Variants in NEO1 observed in about 807,000 individuals in gnomAD.
NEO1 encodes the protein neogenin.
NEO1 carries 63 observed loss-of-function variants against 159.7 expected under a neutral mutation model. The observed-to-expected ratio is 0.39, with a 90% confidence interval of 0.32 to 0.49. NEO1 has a LOEUF of 0.49. Among genes scored for constraint, NEO1 ranks in the 20% least tolerant of loss-of-function variants. The pLI is 0.85. For synonymous variants in NEO1, 633 were observed against 662.0 expected (o/e 0.96, Z 0.67); for missense variants, 1,615 against 1,831.0 (o/e 0.88, Z 2.15).
intron 5 of NEO1, among the ~76,000 whole-genome samples, chr15:73,155,750 G>A (rs1247207989): frequency 2.0e-5 from 3 of 152,146 alleles, no homozygotes; most frequent in Non-Finnish European, 4.4e-5. Flanking sequence ...GTCTATTGTT[G>A]AAGCTTTCAA....
rs1409837938 is a variant in NEO1 at position 73,254,721 on chromosome 15, C to G, written c.1984C>G (p.Gln662Glu). ...IHWQPPAPATQNGQITGYKIR... is the reference protein window; with the variant it reads ...IHWQPPAPATENGQITGYKIR... ...CTGGCAGCCACCTGCTCCAGCCACACAAAATGGGCAGATTACTGGCTACAA... is the reference window on the plus strand; with the variant it reads ...CTGGCAGCCACCTGCTCCAGCCACAGAAAATGGGCAGATTACTGGCTACAA... The change falls in exon 13 of 29, where the codon CAA (glutamine) becomes GAA (glutamate). Residue 662 changes from glutamine (Q) to glutamate (E), a missense_variant. Physicochemically the swap from Gln to Glu is conservative, Grantham distance 29. Coordinates refer to ENST00000261908, the MANE Select transcript of NEO1 (RefSeq NM_002499.4). 6.2e-7 allele frequency: 1 copy of G among 1,613,962 alleles called. No homozygotes were observed. The highest frequency in any genetic ancestry group is 8.5e-7 in the Non-Finnish European group (1 of 1,179,926).
chr15:73,157,993 A>G (rs1420306999), intron 5 of NEO1, among the ~76,000 whole-genome samples: 1 of 152,066 alleles, frequency 6.6e-6, no homozygotes. Context: ...AGACAAGAGG[A>G]TCGCTTGAGG....
intron 23 of NEO1, among the ~76,000 whole-genome samples, chr15:73,288,078 A>G (rs561515297): frequency 7.0e-4 from 106 of 152,312 alleles, no homozygotes; most frequent in Non-Finnish European, 1.4e-3. Context: ...ATTCAAACAT[A>G]AAGACCCTGG....
At chr15:73,245,513 C>T (rs909672911) in intron 9 of NEO1, among the ~76,000 whole-genome samples, 1 of 151,992 alleles carries the variant, frequency 6.6e-6, no homozygotes, top group Non-Finnish European at 1.5e-5. Flanking sequence ...GCTTTTCCTA[C>T]TTGAGGCTTT....
intron 7 of NEO1, among the ~76,000 whole-genome samples, chr15:73,231,254 G>C (rs1460493792): frequency 6.6e-6 from 1 of 152,132 alleles, no homozygotes; most frequent in East Asian, 1.9e-4. Flanking sequence ...TGCAGATACA[G>C]ATTTTTTTCA....
At chr15:73,062,728 G>A (rs1262718548) in intron 1 of NEO1, among the ~76,000 whole-genome samples, 1 of 152,134 alleles carries the variant, frequency 6.6e-6, no homozygotes, top group Non-Finnish European at 1.5e-5. Flanking sequence ...GTACTGTGGT[G>A]ATTTAAAGTG....
intron 7 of NEO1, among the ~76,000 whole-genome samples, chr15:73,179,744 C>T (rs965054379): frequency 3.3e-5 from 5 of 152,166 alleles, no homozygotes; most frequent in Non-Finnish European, 7.3e-5. Flanking sequence ...TCAAATCCTA[C>T]CACCTGGGTA....
chr15:73,158,782 C>T (rs2033963353), intron 5 of NEO1, among the ~76,000 whole-genome samples: 1 of 152,156 alleles, frequency 6.6e-6, no homozygotes, highest in East Asian at 1.9e-4. Flanking sequence ...TATGTCCCAG[C>T]CCTCCTCCAC....
At chr15:73,207,809 T>G (rs1014809771) in intron 7 of NEO1, among the ~76,000 whole-genome samples, 3 of 152,180 alleles carry the variant, frequency 2.0e-5, no homozygotes, top group Non-Finnish European at 4.4e-5. Context: ...GCATCCTTAT[T>G]GGCTCATTAT....
chr15:73,186,462 A>G (rs1277512590), intron 7 of NEO1, among the ~76,000 whole-genome samples: 2 of 152,212 alleles, frequency 1.3e-5, no homozygotes, highest in African/African-American at 4.8e-5. Flanking sequence ...GCTACAAGAA[A>G]TGTGAAAGGA....
chr15:73,186,119 CACATT>C (rs1048145671), intron 7 of NEO1, among the ~76,000 whole-genome samples: 3 of 149,950 alleles, frequency 2.0e-5, no homozygotes, highest in Admixed American at 2.0e-4. Context: ...AGAAGAAAGA[CACATT>C]ACATACAGAG....
chr15:73,129,017 G>A (rs1385150425), intron 4 of NEO1, among the ~76,000 whole-genome samples: 2 of 152,218 alleles, frequency 1.3e-5, no homozygotes, highest in African/African-American at 4.8e-5. Flanking sequence ...TGGCTGAAAA[G>A]TCTGAGAAGC....
At chr15:73,243,911 G>A (rs1596461627) in intron 8 of NEO1, among the ~76,000 whole-genome samples, 1 of 152,130 alleles carries the variant, frequency 6.6e-6, no homozygotes, top group Admixed American at 6.5e-5. Context: ...TTTTTATTGA[G>A]AGTCTCTTAG....
intron 19 of NEO1, among the ~76,000 whole-genome samples, chr15:73,272,784 C>T (rs2041231728): frequency 6.6e-6 from 1 of 151,922 alleles, no homozygotes; most frequent in South Asian, 2.1e-4. Context: ...TGACTGCAGT[C>T]GGGGATGGGA....
chr15:73,198,702 A>G (rs530411016), intron 7 of NEO1, among the ~76,000 whole-genome samples: 16 of 152,048 alleles, frequency 1.1e-4, no homozygotes, highest in Non-Finnish European at 2.2e-4. Context: ...TTTGCTTTTC[A>G]TGCCATCTGC....
At chr15:73,230,329 T>A (rs766118677) in intron 7 of NEO1, among the ~76,000 whole-genome samples, 4 of 152,098 alleles carry the variant, frequency 2.6e-5, no homozygotes, top group Non-Finnish European at 5.9e-5. Flanking sequence ...GGTTGGCAAT[T>A]TTTTTTCCCA....
chr15:73,267,874 G>A (rs972886452), intron 16 of NEO1, among the ~76,000 whole-genome samples: 2 of 152,132 alleles, frequency 1.3e-5, no homozygotes, highest in Non-Finnish European at 1.5e-5. Context: ...ATTTATTTTC[G>A]GAAATGTTCT....
At position 73,135,961 on chromosome 15, in the gene NEO1, A is replaced by T. The variant is rs551179669; in HGVS notation, c.949A>T (p.Thr317Ser). 6.2e-7 allele frequency: 1 copy of T among 1,608,182 alleles called. No individual in the cohort carries two copies. Among genetic ancestry groups the T allele is most frequent in the South Asian group, 1.1e-5 (1 of 90,600 alleles). ...TGATGTTACTGAGGATGATGCTGGG[A>T]CTTATTTTTGTATAGCTGATAATGG... is the stretch of plus-strand genomic sequence containing the variant. ...ISDVTEDDAG[T>S]YFCIADNGNE... Residue 317 changes from threonine to serine, a missense_variant, in exon 5 of 29, where the codon ACT becomes TCT. This residue lies in a region of NEO1 where 1,018 missense variants were observed against 1,115.4 expected (regional missense o/e 0.91). Coordinates refer to ENST00000261908, the MANE Select transcript of NEO1 (RefSeq NM_002499.4).
At position 73,146,836 on chromosome 15, in the gene NEO1, G is replaced by A. The variant is rs143902177; in HGVS notation, c.1015+10809G>A. Among the ~76,000 whole-genome samples the A allele has an allele frequency of 6.8e-3, 1,041 of 152,292 alleles. 12 individuals carry two copies. The highest frequency in any genetic ancestry group is 0.024 in the African/African-American group (1,000 of 41,542). ...TAGAAGAGCCGTTCAAAGACCTGAA[G>A]ATTCTGCCTGTTTGCTGTTTGTACA... On this transcript the variant is annotated intron_variant, in intron 5 of 28. Coordinates refer to ENST00000261908, the MANE Select transcript of NEO1 (RefSeq NM_002499.4).
Sources: gnomAD v4.1 joint callset for allele counts (sites outside exome capture counted in the v4.1 genomes callset) on GRCh38, gnomAD v4.1.1 for gene constraint, gnomAD v4.1.1 regional missense constraint, MANE v1.5 for transcripts, NCBI Gene and HGNC (gene_info 2026-07-23, HGNC 2026-07-21) for gene names.